The following TNS1 variants were observed in gnomAD, a reference collection of about 807,000 sequenced individuals.
TNS1 encodes the protein tensin 1, also known as tensin-1.
A neutral mutation model predicts 168.6 loss-of-function variants in TNS1; 62 were observed. That is an observed-to-expected ratio of 0.37 (90% CI 0.30 to 0.45). TNS1 has a LOEUF of 0.45. TNS1 is among the 20% of genes least tolerant of loss of function. The pLI is 1.00. For missense variants in TNS1, 2,240 were observed against 2,339.4 expected, an observed-to-expected ratio of 0.96 and a Z score of 0.88; for synonymous variants, 934 against 933.2, an observed-to-expected ratio of 1.00 and a Z score of -0.02.
chr2:217,983,614 C>T (rs1412771310), intron 2 of TNS1, among the ~76,000 whole-genome samples: 1 of 152,256 alleles, frequency 6.6e-6, no homozygotes, highest in African/African-American at 2.4e-5. Flanking sequence ...AGGAAGCCAA[C>T]ATTGTTGGGA....
rs137921472 is a variant in TNS1, at chr2:217,821,079, C to T, written c.3572+661G>A. On this transcript the variant is annotated intron_variant, in intron 23 of 32. Coordinates refer to ENST00000682258, the MANE Select transcript of TNS1 (RefSeq NM_001387777.1). ...AATGCCTCCAGCCCTCAGAAATCCT[C>T]GCTGCATCCCTAGCCAGAAATAATG... Among the ~76,000 whole-genome samples the T allele has an allele frequency of 9.2e-5, 14 of 152,344 alleles. No homozygotes were observed. In the East Asian group the frequency reaches 2.5e-3, roughly 27 times the overall value.
At chr2:217,898,728 C>T (rs898787291) in intron 7 of TNS1, among the ~76,000 whole-genome samples, 6 of 152,220 alleles carry the variant, frequency 3.9e-5, no homozygotes, top group East Asian at 1.9e-4. Flanking sequence ...GGCGGGCAGC[C>T]GCCAGCACCA....
intron 19 of TNS1, among the ~76,000 whole-genome samples, chr2:217,840,305 G>A (rs1047823032): frequency 2.0e-5 from 3 of 152,226 alleles, no homozygotes; most frequent in Non-Finnish European, 4.4e-5. Context: ...AGGGCTCAAC[G>A]CCTAAGGGCC....
intron 3 of TNS1, among the ~76,000 whole-genome samples, chr2:217,950,535 C>G (rs11676955): frequency 0.11 from 17,200 of 151,360 alleles, 1,209 homozygotes; most frequent in African/African-American, 0.19. Context: ...GTGAGGAGGT[C>G]TGGCTGGTGG....
upstream of TNS1, among the ~76,000 whole-genome samples, chr2:218,005,050 A>G (rs1958647268): frequency 6.6e-6 from 1 of 152,018 alleles, no homozygotes; most frequent in South Asian, 2.1e-4. Flanking sequence ...CTCAGCCACT[A>G]TCACCAGCTC....
At chr2:217,857,921 C>T (rs1948346445) in intron 18 of TNS1, among the ~76,000 whole-genome samples, 1 of 152,152 alleles carries the variant, frequency 6.6e-6, no homozygotes, top group African/African-American at 2.4e-5. Context: ...CTCTGCCAGG[C>T]CAGGGTGCCA....
At chr2:218,004,886 C>G (rs571361608), upstream of TNS1, among the ~76,000 whole-genome samples, 25 of 152,242 alleles carry the variant, frequency 1.6e-4, no homozygotes, top group Non-Finnish European at 3.1e-4. Context: ...CTGAAATGAA[C>G]CAGTGTTCCA....
chr2:217,973,522 G>A (rs554511178), intron 3 of TNS1, among the ~76,000 whole-genome samples: 22 of 152,296 alleles, frequency 1.4e-4, no homozygotes, highest in African/African-American at 4.1e-4. Flanking sequence ...TTCAGGAGAT[G>A]TAGAATGGGG....
At chr2:217,977,959 T>G (rs1458463568) in intron 3 of TNS1, among the ~76,000 whole-genome samples, 1 of 152,160 alleles carries the variant, frequency 6.6e-6, no homozygotes, top group Admixed American at 6.5e-5. Flanking sequence ...TTTCCACCCC[T>G]AGGCAGAGCT....
chr2:217,952,617 C>A (rs766020784), intron 3 of TNS1, among the ~76,000 whole-genome samples: 1 of 152,228 alleles, frequency 6.6e-6, no homozygotes, highest in Non-Finnish European at 1.5e-5. Context: ...CAGTCCCCAA[C>A]CTCCAGACTT....
intron 18 of TNS1, among the ~76,000 whole-genome samples, chr2:217,875,218 T>C (rs1189040261): frequency 6.6e-6 from 1 of 152,100 alleles, no homozygotes; most frequent in South Asian, 2.1e-4. Context: ...CCAGTGGATA[T>C]GTAGTATGAG....
chr2:217,961,254 C>G lies in TNS1; in HGVS notation c.186+17511G>C, dbSNP rs375827960. On this transcript the variant is annotated intron_variant, in intron 3 of 32. Coordinates refer to ENST00000682258, the MANE Select transcript of TNS1 (RefSeq NM_001387777.1). The stretch of plus-strand genomic sequence containing the variant: ...TCTCTCTCACACACACACACACACA[C>G]ACACACAGAGAGAGAGAGAGAGAGA... 4.9e-3 allele frequency among the ~76,000 whole-genome samples: 642 copies of G among 130,036 alleles called. 10 individuals carry two copies. Among genetic ancestry groups the G allele is most frequent in the African/African-American group, 0.016 (531 of 33,980 alleles). The allele number at this position is 130,036 out of a possible 152,430, so 85.3% of individuals were successfully genotyped here. A position where few individuals can be genotyped will look rare whatever the true frequency, so the allele number is the denominator to read the frequency against.
At chr2:217,857,201 C>G (rs974969592) in intron 18 of TNS1, among the ~76,000 whole-genome samples, 3 of 152,184 alleles carry the variant, frequency 2.0e-5, no homozygotes, top group Admixed American at 1.3e-4. Context: ...CTCCAGGGCC[C>G]GGGAGGTTGG....
intron 1 of TNS1, among the ~76,000 whole-genome samples, chr2:218,027,123 A>G (rs1014296456): frequency 6.6e-6 from 1 of 151,924 alleles, no homozygotes; most frequent in Non-Finnish European, 1.5e-5. Flanking sequence ...ACACACACAC[A>G]CACACGCTCA....
chr2:218,012,509 C>T (rs1300867253), upstream of TNS1, among the ~76,000 whole-genome samples: 2 of 152,072 alleles, frequency 1.3e-5, no homozygotes, highest in Admixed American at 1.3e-4. Flanking sequence ...CAGCCACTGC[C>T]CAGCATGAGG....
chr2:217,812,091 G>A (rs985914824), intron 28 of TNS1, among the ~76,000 whole-genome samples: 4 of 152,202 alleles, frequency 2.6e-5, no homozygotes, highest in African/African-American at 9.7e-5. Flanking sequence ...CTGGGACGAC[G>A]TGGTCTGAGG....
Position 217,848,613 on chromosome 2 carries a change from C to T in TNS1, c.1904G>A (p.Gly635Asp). The part of the protein sequence containing the change: ...ILDDELPNQD[G>D]HSAGSMGTLS... Reference sequence around the variant, plus strand: ...TGTGCCCATGCTGCCCGCACTGTGACCATCCTGGTTTGGCAATTCATCGTC... The same window carrying T: ...TGTGCCCATGCTGCCCGCACTGTGATCATCCTGGTTTGGCAATTCATCGTC... The change falls in exon 19 of 33, where the codon GGT becomes GAT. Residue 635 changes from glycine to aspartate, a missense_variant. Gly to Asp is a moderately conservative substitution (Grantham distance 94). Coordinates refer to ENST00000682258, the MANE Select transcript of TNS1 (RefSeq NM_001387777.1). 3 of 1,614,196 alleles carry T rather than the reference C, an allele frequency of 1.9e-6. No homozygotes were observed. Among genetic ancestry groups the T allele is most frequent in the Non-Finnish European group, 2.5e-6 (3 of 1,180,020 alleles).
intron 18 of TNS1, among the ~76,000 whole-genome samples, chr2:217,862,415 G>C (rs374403321): frequency 9.8e-5 from 15 of 152,290 alleles, no homozygotes; most frequent in African/African-American, 3.6e-4. Flanking sequence ...AGTATCCCCT[G>C]TACCCCCTGA....
Position 217,847,740 on chromosome 2 carries a change from C to T in TNS1, c.2777G>A (p.Cys926Tyr), listed in dbSNP as rs147116178. ...RSYSPYDYQP[C>Y]LAGPNQDFHS... ...GAAATCCTGGTTAGGCCCAGCCAAA[C>T]ATGGCTGATAGTCATAAGGTGAGTA... Residue 926 changes from cysteine (C) to tyrosine (Y), a missense_variant, in exon 19 of 33, where the codon TGT becomes TAT. Physicochemically the swap from Cys to Tyr is radical, Grantham distance 194. Coordinates refer to ENST00000682258, the MANE Select transcript of TNS1 (RefSeq NM_001387777.1). 1.5e-5 allele frequency: 24 copies of T among 1,608,242 alleles called. No individual in the cohort carries two copies. The Middle Eastern group carries it at 8.2e-4, about 55-fold the overall frequency.
Sources: gnomAD v4.1 joint callset for allele counts (sites outside exome capture counted in the v4.1 genomes callset) on GRCh38, gnomAD v4.1.1 for gene constraint, MANE v1.5 for transcripts, NCBI Gene and HGNC (gene_info 2026-07-23, HGNC 2026-07-21) for gene names.